Variants in CCND2 observed in about 807,000 individuals in gnomAD.
CCND2 encodes cyclin D2, also known as G1/S-specific cyclin-D2.
Under a neutral mutation model 30.2 loss-of-function variants are expected in CCND2, and 6 were observed. That is an observed-to-expected ratio of 0.20 (90% CI 0.11 to 0.39). The LOEUF is 0.39. CCND2 is among the 10% of genes least tolerant of loss of function. CCND2 has a pLI of 1.00. For synonymous variants in CCND2, 150 were observed against 153.1 expected, an observed-to-expected ratio of 0.98 and a Z score of 0.15; for missense variants, 235 against 373.4, an observed-to-expected ratio of 0.63 and a Z score of 3.06.
intron 1 of CCND2, chr12:4,275,510 C>G (rs1863859284): frequency 8.4e-6 from 1 of 119,364 alleles, no homozygotes; most frequent in South Asian, 3.4e-4. Context: ...CCCCCAAAAG[C>G]GGCCCCTGGG....
chr12:4,275,087 G>C (rs1863848029), intron 1 of CCND2: 1 of 152,174 alleles, frequency 6.6e-6, no homozygotes, highest in Non-Finnish European at 1.5e-5. Flanking sequence ...GAGGGGGTGT[G>C]TGTAGGGGGG....
Position 4,278,813 on chromosome 12 carries a change from T to G in CCND2, c.465T>G (p.Thr155=), listed in dbSNP as rs777953805. 2 of 1,614,232 alleles carry G rather than the reference T, an allele frequency of 1.2e-6. No individual in the cohort carries two copies. The highest frequency in any genetic ancestry group is 2.2e-5 in the South Asian group (2 of 91,088). Residue 155 remains threonine (T), a synonymous_variant, in exon 3 of 5, where the codon ACT becomes ACG. Transcript: ENST00000261254. ...TGAAGTGGAACCTGGCAGCTGTCAC[T>G]CCTCATGACTTCATTGAGCACATCT... ...GKLKWNLAAV[T]PHDFIEHILR... is the part of the protein sequence containing the mutation.
intron 1 of CCND2, 152 bp from the exon 2 acceptor site, chr12:4,275,853 A>T (rs894508491): frequency 1.8e-6 from 1 of 564,852 alleles, no homozygotes; most frequent in African/African-American, 1.9e-5. Context: ...TTTGTTCTTT[A>T]TTCTTATCAC....
At chr12:4,289,888 C>T (rs3217861) in intron 4 of CCND2, among the ~76,000 whole-genome samples, 26,569 of 152,146 alleles carry the variant, frequency 0.17, 2,659 homozygotes, top group Non-Finnish European at 0.23. Context: ...CTGGAAACTT[C>T]CCACTCCACC....
Position 4,285,386 on chromosome 12 carries a change from G to A in CCND2, c.572-3456G>A. On this transcript the variant is annotated intron_variant, in intron 3 of 4. Coordinates refer to ENST00000261254, the MANE Select transcript of CCND2 (RefSeq NM_001759.4). This position sits in a 1 kb window ranked among gnomAD's most constrained non-coding sequence, Gnocchi z 4.1. ...TGCCTTCTGCACCAGCATATTGCTT[G>A]TTGGCATTTTTGATCAAGAGACTTA... is the stretch of plus-strand genomic sequence containing the variant. 1 of 985,412 alleles carries A rather than the reference G, an allele frequency of 1.0e-6. No individual in the cohort carries two copies. The highest frequency in any genetic ancestry group is 1.2e-6 in the Non-Finnish European group (1 of 829,892). The allele number at this position is 985,412 out of a possible 1,614,324, so 61.0% of individuals were successfully genotyped here. A position where few individuals can be genotyped will look rare whatever the true frequency, so the allele number is the denominator to read the frequency against.
intron 4 of CCND2, among the ~76,000 whole-genome samples, chr12:4,295,171 G>A (rs180785725): frequency 6.6e-6 from 1 of 152,392 alleles, no homozygotes; most frequent in East Asian, 1.9e-4. Context: ...ATGGAAGGGA[G>A]AGGCCAAGTT....
chr12:4,301,657 T>A lies in CCND2; in HGVS notation c.*1648T>A, dbSNP rs1431898914. ...GGAAAACAATCTAAGGGTCTCTCAT[T>A]TTTTTAATTTTGTTTTGTTCAGTTT... is the stretch of plus-strand genomic sequence containing the variant. On this transcript the variant is annotated 3_prime_UTR_variant, in exon 5 of 5. Coordinates refer to ENST00000261254, the MANE Select transcript of CCND2 (RefSeq NM_001759.4). The A allele has an allele frequency of 4.3e-6, 1 of 231,218 alleles. No homozygotes were observed. Among genetic ancestry groups the A allele is most frequent in the African/African-American group, 2.2e-5 (1 of 44,610 alleles). 14.3% of individuals were successfully genotyped at this position (231,218 alleles called of 1,614,324 possible). A position where few individuals can be genotyped will look rare whatever the true frequency, so the allele number is the denominator to read the frequency against.
rs1864213625 is a variant in CCND2, at chr12:4,299,129, A to T, written c.721-731A>T. Among the ~76,000 whole-genome samples, 1 of 152,172 alleles carries T rather than the reference A, an allele frequency of 6.6e-6. No individual in the cohort carries two copies. The highest frequency in any genetic ancestry group is 2.4e-5 in the African/African-American group (1 of 41,440). On this transcript the variant is annotated intron_variant, in intron 4 of 4. Transcript: ENST00000261254. The surrounding 1 kb of genome is among the most constrained non-coding windows in gnomAD (Gnocchi z 5.2). ...GTAATCCCAGCACTTTGGGAGGCCGATGCGGGCGGATCACAAGGTCAGGAG... is the reference window on the plus strand; with the variant it reads ...GTAATCCCAGCACTTTGGGAGGCCGTTGCGGGCGGATCACAAGGTCAGGAG...
At chr12:4,283,920 A>G (rs1482432876) in intron 3 of CCND2, among the ~76,000 whole-genome samples, 1 of 152,182 alleles carries the variant, frequency 6.6e-6, no homozygotes, top group Non-Finnish European at 1.5e-5. Context: ...AAGCAGCAGG[A>G]GGCTTTGGGG....
At position 4,285,545 on chromosome 12, in the gene CCND2, A is replaced by G. The variant is rs1391232836; in HGVS notation, c.572-3297A>G. ...TTCCGTGCATCCTTCCAGTTCATCCATAGGCATATATGTATGTATTTACCC... is the reference window on the plus strand; with the variant it reads ...TTCCGTGCATCCTTCCAGTTCATCCGTAGGCATATATGTATGTATTTACCC... On this transcript the variant is annotated intron_variant, in intron 3 of 4. Coordinates refer to ENST00000261254, the MANE Select transcript of CCND2 (RefSeq NM_001759.4). This position sits in a 1 kb window ranked among gnomAD's most constrained non-coding sequence, Gnocchi z 4.1. 2.5e-6 allele frequency: 1 copy of G among 392,964 alleles called. No individual in the cohort carries two copies. The highest frequency in any genetic ancestry group is 3.5e-6 in the Non-Finnish European group (1 of 288,652). The allele number at this position is 392,964 out of a possible 1,614,324, so 24.3% of individuals were successfully genotyped here.
At chr12:4,279,394 CTTTTT>C (rs79476081) in intron 3 of CCND2, among the ~76,000 whole-genome samples, 2 of 140,524 alleles carry the variant, frequency 1.4e-5, no homozygotes, top group African/African-American at 2.6e-5. Flanking sequence ...CAAAGAAATT[CTTTTT>C]TTTTTTTTTT....
chr12:4,294,084 C>T (rs1383828528), intron 4 of CCND2, among the ~76,000 whole-genome samples: 1 of 152,134 alleles, frequency 6.6e-6, no homozygotes, highest in Non-Finnish European at 1.5e-5. Context: ...GAGTGCAGTG[C>T]GTGTGTGGTG....
At chr12:4,297,584 A>AG (rs796904833) in intron 4 of CCND2, among the ~76,000 whole-genome samples, 1 of 149,958 alleles carries the variant, frequency 6.7e-6, no homozygotes, top group East Asian at 2.4e-4. Flanking sequence ...AAAAAAAAAA[A>AG]AAAAAAAAAA....
intron 2 of CCND2, among the ~76,000 whole-genome samples, chr12:4,277,949 A>T (rs998120301): frequency 6.6e-6 from 1 of 151,830 alleles, no homozygotes; most frequent in African/African-American, 2.4e-5. Context: ...AGAGGGAAAC[A>T]AGGTTCTTTT....
chr12:4,291,515 C>T (rs1400861243), intron 4 of CCND2, among the ~76,000 whole-genome samples: 1 of 152,078 alleles, frequency 6.6e-6, no homozygotes, highest in Non-Finnish European at 1.5e-5. Flanking sequence ...AGATTCCTGC[C>T]TTCAAGGAAC....
In CCND2 at chr12:4,274,605, G is replaced by C. The variant is rs1271187783; in HGVS notation, c.195+370G>C. Among the ~76,000 whole-genome samples the C allele has an allele frequency of 1.3e-5, 2 of 152,088 alleles. No individual in the cohort carries two copies. Among genetic ancestry groups the C allele is most frequent in the South Asian group, 2.1e-4 (1 of 4,820 alleles). ...AGGAAGAGAGTCGGGGCCTGAAATCGGGACCCCGAGTAGAAAGGCAACCCC... is the reference window on the plus strand; with the variant it reads ...AGGAAGAGAGTCGGGGCCTGAAATCCGGACCCCGAGTAGAAAGGCAACCCC... On this transcript the variant is annotated intron_variant, in intron 1 of 4. Transcript: ENST00000261254. The surrounding 1 kb of genome is among the most constrained non-coding windows in gnomAD (Gnocchi z 7.7).
chr12:4,290,747 T>G (rs1271107854), intron 4 of CCND2, among the ~76,000 whole-genome samples: 2 of 152,246 alleles, frequency 1.3e-5, no homozygotes, highest in African/African-American at 4.8e-5. Context: ...TGGGAGTTGC[T>G]GCTGAGTCTC....
rs1053690807 is a variant in CCND2, at chr12:4,274,430, G to C, written c.195+195G>C. ...CTCCAGATAAACTGGGGAGGCAGAG[G>C]GGGGAGGAAAATCTGGGAGAAGCGA... On this transcript the variant is annotated intron_variant, in intron 1 of 4. Coordinates refer to ENST00000261254, the MANE Select transcript of CCND2 (RefSeq NM_001759.4). The surrounding 1 kb of genome is among the most constrained non-coding windows in gnomAD (Gnocchi z 7.7). 3.3e-5 allele frequency among the ~76,000 whole-genome samples: 5 copies of C among 152,356 alleles called. No homozygotes were observed. The highest frequency in any genetic ancestry group is 2.1e-4 in the South Asian group (1 of 4,832).
chr12:4,291,207 CTG>C (rs1320194012), intron 4 of CCND2, among the ~76,000 whole-genome samples: 5 of 138,810 alleles, frequency 3.6e-5, no homozygotes, highest in South Asian at 2.6e-4. Flanking sequence ...CTGGGCTAGG[CTG>C]TGTGTGTGTG....
Sources: gnomAD v4.1 joint callset for allele counts (sites outside exome capture counted in the v4.1 genomes callset) on GRCh38, gnomAD v4.1.1 for gene constraint, Gnocchi (gnomAD v3.1) non-coding constraint, MANE v1.5 for transcripts, NCBI Gene and HGNC (gene_info 2026-07-23, HGNC 2026-07-21) for gene names.